FABP6: variants seen among roughly 807,000 people sequenced by gnomAD.
FABP6 encodes gastrotropin.
In FABP6, 13 loss-of-function variants were observed where a neutral mutation model predicts 14.9. That is an observed-to-expected ratio of 0.87 (90% CI 0.57 to 1.39). The LOEUF (loss-of-function observed/expected upper bound fraction) is 1.39. Ranked by LOEUF, FABP6 falls within the 40% of genes most tolerant of loss-of-function variation. The pLI is 0.00. For missense variants in FABP6, 161 were observed against 167.2 expected (o/e 0.96, Z 0.20); for synonymous variants, 75 against 63.6 (o/e 1.18, Z -0.85).
chr5:160,204,247 T>C (rs1394141683), intron 2 of FABP6, among the ~76,000 whole-genome samples: 2 of 151,654 alleles, frequency 1.3e-5, no homozygotes, highest in African/African-American at 2.4e-5. Context: ...AACCCAGGAG[T>C]TGGAGGCTGC....
At chr5:160,212,392 G>A (rs2113104881) in intron 2 of FABP6, among the ~76,000 whole-genome samples, 1 of 152,176 alleles carries the variant, frequency 6.6e-6, no homozygotes, top group African/African-American at 2.4e-5. Flanking sequence ...CTGACCTCAT[G>A]ACCTGCCCAT....
chr5:160,213,813 A>G (rs779131351), exon 3 of FABP6: 1 of 1,613,610 alleles, frequency 6.2e-7, no homozygotes, highest in Non-Finnish European at 8.5e-7. Context: ...AGACACATAA[A>G]GGAAAGGTAT....
intron 2 of FABP6, among the ~76,000 whole-genome samples, chr5:160,207,416 T>G (rs1759790896): frequency 6.6e-6 from 1 of 152,240 alleles, no homozygotes; most frequent in Non-Finnish European, 1.5e-5. Context: ...TGGGGTTATT[T>G]AGGTTTTCTG....
At chr5:160,231,074 C>T (rs1220017389) in intron 1 of FABP6, among the ~76,000 whole-genome samples, 2 of 152,172 alleles carry the variant, frequency 1.3e-5, no homozygotes, top group African/African-American at 4.8e-5. Context: ...GAGGACAGCT[C>T]AAGGGGACCC....
At position 160,199,121 on chromosome 5, in the gene FABP6, G is replaced by A. The variant is rs146032989; in HGVS notation, c.15G>A (p.Thr5=). Reference sequence around the variant, plus strand: ...GCCCAGAGGCGATGAAGACAGTGACGATGATGATGGTGGTGGAGATGCAGG... The same window carrying A: ...GCCCAGAGGCGATGAAGACAGTGACAATGATGATGGTGGTGGAGATGCAGG... The change falls in exon 2 of 7, where the codon ACG becomes ACA. Residue 5 remains threonine, a synonymous_variant. Transcript: ENST00000393980. The A allele has an allele frequency of 1.2e-5, 20 of 1,614,162 alleles. No homozygotes were observed. In the East Asian group the frequency reaches 2.2e-4, roughly 18 times the overall value.
At chr5:160,194,777 C>T (rs1350759319) in intron 1 of FABP6, among the ~76,000 whole-genome samples, 2 of 152,108 alleles carry the variant, frequency 1.3e-5, no homozygotes, top group Non-Finnish European at 2.9e-5. Flanking sequence ...GATCCCCTGT[C>T]CTGATGCTGA....
At chr5:160,238,063 A>G (rs1370028919) in intron 3 of FABP6, among the ~76,000 whole-genome samples, 1 of 152,094 alleles carries the variant, frequency 6.6e-6, no homozygotes, top group Admixed American at 6.6e-5. Context: ...GCACAGCTCC[A>G]CAGCATGGAG....
chr5:160,234,932 G>T, intron 3 of FABP6, 23 bp downstream of exon 3: 1 of 1,600,532 alleles, frequency 6.2e-7, no homozygotes. Flanking sequence ...CTGATTCCTG[G>T]GATGATTATT....
intron 1 of FABP6, among the ~76,000 whole-genome samples, chr5:160,230,875 A>C (rs1239688429): frequency 1.3e-5 from 2 of 152,218 alleles, no homozygotes; most frequent in Non-Finnish European, 2.9e-5. Flanking sequence ...TCATTCAGCA[A>C]ACACAGGCCT....
chr5:160,198,755 G>GTCCC, intron 1 of FABP6: 1 of 299,354 alleles, frequency 3.3e-6, no homozygotes, highest in Admixed American at 4.6e-5. Flanking sequence ...CATGTCCTAA[G>GTCCC]CATTAAGGTG....
intron 3 of FABP6, among the ~76,000 whole-genome samples, chr5:160,223,564 G>A (rs1002493265): frequency 1.3e-5 from 2 of 151,570 alleles, no homozygotes; most frequent in Non-Finnish European, 2.9e-5. Flanking sequence ...TGGGACTACA[G>A]GCACACGCCA....
upstream of FABP6, among the ~76,000 whole-genome samples, chr5:160,227,818 A>ATGTGTGTGTGTGTGTGTG (rs776387001): frequency 9.2e-5 from 12 of 130,770 alleles, no homozygotes; most frequent in African/African-American, 2.6e-4. Flanking sequence ...AAAATCCATG[A>ATGTGTGTGTGTGTGTGTG]CGTGTGTGTG....
chr5:160,221,088 C>CAAAAAA (rs397884568), intron 3 of FABP6, among the ~76,000 whole-genome samples: 3 of 72,762 alleles, frequency 4.1e-5, no homozygotes, highest in Non-Finnish European at 5.9e-5. Context: ...GACTTTCTCT[C>CAAAAAA]AAAAAAAAAA....
At chr5:160,203,703 CTT>C (rs11313636) in intron 2 of FABP6, among the ~76,000 whole-genome samples, 279 of 142,494 alleles carry the variant, frequency 2.0e-3, no homozygotes, top group Middle Eastern at 3.5e-3. Flanking sequence ...TATTATATTT[CTT>C]TTTTTTTTTT....
At chr5:160,195,603 C>T (rs765097949) in intron 1 of FABP6, 4 of 152,250 alleles carry the variant, frequency 2.6e-5, no homozygotes, top group African/African-American at 9.7e-5. Flanking sequence ...TACAGTCATG[C>T]ACCACCTTAC....
At chr5:160,207,361 A>T (rs1410390328) in intron 2 of FABP6, among the ~76,000 whole-genome samples, 1 of 152,252 alleles carries the variant, frequency 6.6e-6, no homozygotes, top group Non-Finnish European at 1.5e-5. Context: ...AAGACATTTT[A>T]GGAGACAAGG....
At chr5:160,226,548 A>AG (rs60123650), upstream of FABP6, among the ~76,000 whole-genome samples, 1 of 151,394 alleles carries the variant, frequency 6.6e-6, no homozygotes, top group Non-Finnish European at 1.5e-5. Context: ...AAAAAAAAAA[A>AG]GTAAATATAA....
intron 2 of FABP6, among the ~76,000 whole-genome samples, chr5:160,210,042 G>C (rs192220302): frequency 6.6e-6 from 1 of 152,186 alleles, no homozygotes; most frequent in Non-Finnish European, 1.5e-5. Context: ...CTGACCAGGG[G>C]AGTCTTGCAG....
At chr5:160,222,866 A>G (rs1353350361) in intron 3 of FABP6, among the ~76,000 whole-genome samples, 3 of 152,096 alleles carry the variant, frequency 2.0e-5, no homozygotes, top group Non-Finnish European at 4.4e-5. Context: ...AATGTTCTAG[A>G]CCCCTTAAGT....
Sources: allele counts gnomAD v4.1 joint callset (sites outside exome capture counted in the v4.1 genomes callset), GRCh38; gene constraint gnomAD v4.1.1; transcripts MANE v1.5; gene names NCBI Gene and HGNC (gene_info 2026-07-23, HGNC 2026-07-21).